CBLB: variants seen among roughly 807,000 people sequenced by gnomAD.
The protein encoded by CBLB is Cbl proto-oncogene B.
In CBLB, 31 loss-of-function variants were observed where a neutral mutation model predicts 104.9. The observed-to-expected ratio is 0.30, with a 90% confidence interval of 0.22 to 0.40. The LOEUF (loss-of-function observed/expected upper bound fraction) is 0.40. Among genes scored for constraint, CBLB ranks in the 10% least tolerant of loss-of-function variants. CBLB has a pLI of 1.00. For synonymous variants in CBLB, 440 were observed against 422.6 expected, an observed-to-expected ratio of 1.04 and a Z score of -0.51; for missense variants, 1,062 against 1,214.6, an observed-to-expected ratio of 0.87 and a Z score of 1.87.
intron 3 of CBLB, among the ~76,000 whole-genome samples, chr3:105,778,246 A>ATACAGTGTATCAAC (rs772541072): frequency 5.9e-5 from 9 of 152,154 alleles, no homozygotes; most frequent in Admixed American, 1.3e-4. Context: ...ATATAAAACC[A>ATACAGTGTATCAAC]TACAGTGTAT....
At chr3:105,660,176 C>T (rs1173979546) in intron 18 of CBLB, among the ~76,000 whole-genome samples, 2 of 152,106 alleles carry the variant, frequency 1.3e-5, no homozygotes, top group Admixed American at 6.5e-5. Context: ...AAAAAATACA[C>T]ACATACACAC....
chr3:105,839,086 T>C (rs543074271), intron 3 of CBLB, among the ~76,000 whole-genome samples: 14 of 152,352 alleles, frequency 9.2e-5, no homozygotes, highest in African/African-American at 3.4e-4. Context: ...TCATGTGGAT[T>C]CTGAAAGCAG....
chr3:105,745,796 C>A lies in CBLB; in HGVS notation c.845+121G>T, dbSNP rs55804807. The A allele has an allele frequency of 1.5e-3, 1,307 of 885,852 alleles. 4 individuals carry two copies. Among genetic ancestry groups the A allele is most frequent in the Admixed American group, 2.3e-3 (125 of 54,048 alleles). The allele number at this position is 885,852 out of a possible 1,614,324, so 54.9% of individuals were successfully genotyped here. On this transcript the variant is annotated intron_variant, in intron 6 of 18. Transcript: ENST00000394030. ...TAAGAAGCACCATTTTGGTCTTTTA[C>A]CTTTTCTAGCCCCCTCCCAAGCATG...
At chr3:105,860,680 A>G (rs2092013033) in intron 2 of CBLB, among the ~76,000 whole-genome samples, 2 of 152,226 alleles carry the variant, frequency 1.3e-5, no homozygotes, top group South Asian at 4.1e-4. Context: ...ACATTCCATC[A>G]CAAGGCAAAA....
intron 3 of CBLB, among the ~76,000 whole-genome samples, chr3:105,827,632 A>C (rs2086797000): frequency 6.6e-6 from 1 of 152,140 alleles, no homozygotes; most frequent in African/African-American, 2.4e-5. Flanking sequence ...AGGGAAAGAC[A>C]TGAGGGAGGA....
chr3:105,679,000 T>A (rs140010575), intron 16 of CBLB, among the ~76,000 whole-genome samples: 4 of 152,298 alleles, frequency 2.6e-5, no homozygotes, highest in African/African-American at 9.6e-5. Flanking sequence ...TCACCTCAAA[T>A]ACATATAATT....
In CBLB at chr3:105,737,144, T is replaced by C. The variant is rs115843627; in HGVS notation, c.1071+27A>G. On this transcript the variant is annotated intron_variant, in intron 8 of 18. Transcript: ENST00000394030. ...AAGGGCATTATGGATACTTATTTAA[T>C]TATACTTTTCTAGCAATTATCCTTA... 1,552 of 1,203,710 alleles carry C rather than the reference T, an allele frequency of 1.3e-3. 16 individuals carry two copies. The African/African-American group carries it at 0.019, about 15-fold the overall frequency. The allele number at this position is 1,203,710 out of a possible 1,614,324, so 74.6% of individuals were successfully genotyped here.
chr3:105,724,805 T>A (rs569859561), intron 9 of CBLB, among the ~76,000 whole-genome samples: 5 of 152,274 alleles, frequency 3.3e-5, no homozygotes, highest in African/African-American at 1.2e-4. Context: ...GGCACTGTTG[T>A]AAGCACTCTC....
intron 3 of CBLB, among the ~76,000 whole-genome samples, chr3:105,851,569 A>G (rs1018641678): frequency 2.0e-5 from 3 of 152,240 alleles, no homozygotes; most frequent in Admixed American, 2.0e-4. Context: ...TTTATCAACT[A>G]TAACACACTA....
intron 4 of CBLB, among the ~76,000 whole-genome samples, chr3:105,765,175 A>C (rs976603452): frequency 6.6e-6 from 1 of 152,214 alleles, no homozygotes; most frequent in Non-Finnish European, 1.5e-5. Context: ...AACAGCCTTA[A>C]GATGAAAGAA....
Position 105,656,591 on chromosome 3 carries a change from T to C in CBLB, c.*2379A>G. On this transcript the variant is annotated 3_prime_UTR_variant, in exon 19 of 19. Coordinates refer to ENST00000394030, the MANE Select transcript of CBLB (RefSeq NM_170662.5). ...GAGATTTTGCTGGAGGCTGGTAAAT[T>C]TTCTCTGCAAAACAGATATCCCCCC... 5.4e-6 allele frequency: 1 copy of C among 184,046 alleles called. No homozygotes were observed. Among genetic ancestry groups the C allele is most frequent in the East Asian group, 9.0e-5 (1 of 11,144 alleles). 11.4% of individuals were successfully genotyped at this position (184,046 alleles called of 1,614,324 possible).
At chr3:105,856,449 T>C (rs1347709740) in intron 2 of CBLB, among the ~76,000 whole-genome samples, 1 of 151,712 alleles carries the variant, frequency 6.6e-6, no homozygotes, top group African/African-American at 2.4e-5. Flanking sequence ...CTGGTTCAAA[T>C]TTCCAACCAT....
At chr3:105,868,487 G>A (rs1706522220) in intron 1 of CBLB, 1 of 342,682 alleles carries the variant, frequency 2.9e-6, no homozygotes, top group Non-Finnish European at 5.1e-6. Flanking sequence ...TGTGGGCTCG[G>A]CGCCTGGGTG....
intron 3 of CBLB, among the ~76,000 whole-genome samples, chr3:105,795,685 T>C (rs80010410): frequency 0.073 from 11,140 of 152,214 alleles, 590 homozygotes; most frequent in East Asian, 0.3. Context: ...GAAAGTTGGC[T>C]TATGGTTTTT....
chr3:105,695,906 T>C (rs1290713184), intron 12 of CBLB, among the ~76,000 whole-genome samples: 1 of 151,744 alleles, frequency 6.6e-6, no homozygotes, highest in Non-Finnish European at 1.5e-5. Flanking sequence ...CTTAAATTAA[T>C]ATTGACTGCT....
chr3:105,674,718 T>C (rs1245297611), intron 17 of CBLB, among the ~76,000 whole-genome samples: 5 of 152,172 alleles, frequency 3.3e-5, no homozygotes, highest in Admixed American at 2.0e-4. Context: ...ACACTAGTGG[T>C]AGCCTTGGGA....
intron 17 of CBLB, among the ~76,000 whole-genome samples, chr3:105,676,367 T>C (rs1372516610): frequency 6.6e-6 from 1 of 152,212 alleles, no homozygotes; most frequent in Non-Finnish European, 1.5e-5. Context: ...TAAAACCTTT[T>C]ACAATTCTTT....
At chr3:105,750,566 A>T (rs2152906221) in intron 5 of CBLB, among the ~76,000 whole-genome samples, 1 of 152,334 alleles carries the variant, frequency 6.6e-6, no homozygotes. Flanking sequence ...TGTTAAGCAG[A>T]AAATTTTTAT....
At chr3:105,756,972 G>A (rs1450121724) in intron 4 of CBLB, among the ~76,000 whole-genome samples, 3 of 152,082 alleles carry the variant, frequency 2.0e-5, no homozygotes, top group Non-Finnish European at 4.4e-5. Context: ...GGTTGTTTAA[G>A]TGCACGGCAC....
Sources: gnomAD v4.1 joint callset for allele counts (sites outside exome capture counted in the v4.1 genomes callset) on GRCh38, gnomAD v4.1.1 for gene constraint, MANE v1.5 for transcripts, NCBI Gene and HGNC (gene_info 2026-07-23, HGNC 2026-07-21) for gene names.